The following CRISPLD1 variants were observed in gnomAD, a reference collection of about 807,000 sequenced individuals.
CRISPLD1 encodes cysteine rich secretory protein LCCL domain containing 1, also known as cysteine-rich secretory protein LCCL domain-containing 1.
A neutral mutation model predicts 77.5 loss-of-function variants in CRISPLD1; 60 were observed. That is an observed-to-expected ratio of 0.77 (90% CI 0.63 to 0.96). The LOEUF is 0.96. Among genes scored for constraint, CRISPLD1 ranks in the 40% least tolerant of loss-of-function variants. CRISPLD1 has a pLI of 0.00. For missense variants in CRISPLD1, 623 were observed against 615.8 expected, an observed-to-expected ratio of 1.01 and a Z score of -0.12; for synonymous variants, 195 against 200.1, an observed-to-expected ratio of 0.97 and a Z score of 0.22.
chr8:74,997,785 A>G (rs1230100051), intron 2 of CRISPLD1, among the ~76,000 whole-genome samples: 2 of 152,206 alleles, frequency 1.3e-5, no homozygotes, highest in African/African-American at 2.4e-5. Context: ...CTTTTTCACT[A>G]TTGCTGAGAA....
chr8:75,008,144 C>A (rs573433570), intron 2 of CRISPLD1, among the ~76,000 whole-genome samples: 1 of 152,182 alleles, frequency 6.6e-6, no homozygotes, highest in Admixed American at 6.5e-5. Flanking sequence ...TCATTGAAGG[C>A]GTAACTATGC....
At chr8:75,007,124 A>T (rs1020975523) in intron 2 of CRISPLD1, among the ~76,000 whole-genome samples, 4 of 152,116 alleles carry the variant, frequency 2.6e-5, no homozygotes, top group African/African-American at 9.7e-5. Context: ...CTCTTGTTTA[A>T]TGTAGTACTA....
intron 2 of CRISPLD1, among the ~76,000 whole-genome samples, chr8:74,996,008 T>C (rs1005809059): frequency 6.7e-6 from 1 of 150,164 alleles, no homozygotes; most frequent in African/African-American, 2.4e-5. Context: ...GCCAAGTGTT[T>C]ATAAAAATGG....
At chr8:75,026,882 C>G (rs1305668583) in intron 13 of CRISPLD1, 1 of 152,078 alleles carries the variant, frequency 6.6e-6, no homozygotes. Context: ...ACTGAAAAGT[C>G]CTGCTGGTAT....
At chr8:75,015,874 T>G (rs118026143) in intron 6 of CRISPLD1, among the ~76,000 whole-genome samples, 12,137 of 152,188 alleles carry the variant, frequency 0.08, 637 homozygotes, top group South Asian at 0.12. Flanking sequence ...ATCTTTTACT[T>G]AAAGCTGACT....
At chr8:75,025,417 C>T in intron 12 of CRISPLD1, 129 bp from the exon 13 acceptor site, 1 of 288,610 alleles carries the variant, frequency 3.5e-6, no homozygotes, top group Non-Finnish European at 6.2e-6. Context: ...TGACCTATTT[C>T]AGGAGAAAAA....
At chr8:75,029,266 C>G in intron 13 of CRISPLD1, 121 bp from the exon 14 acceptor site, 1 of 967,404 alleles carries the variant, frequency 1.0e-6, no homozygotes, top group South Asian at 1.8e-5. Context: ...CCTGTAGCTG[C>G]TCACTGGCTA....
intron 2 of CRISPLD1, among the ~76,000 whole-genome samples, chr8:75,012,013 A>G (rs1354258403): frequency 6.6e-6 from 1 of 152,126 alleles, no homozygotes; most frequent in Admixed American, 6.6e-5. Context: ...AAGAAAGAGT[A>G]GGGACTTGTC....
chr8:75,006,169 T>C (rs911177666), intron 2 of CRISPLD1, among the ~76,000 whole-genome samples: 9 of 152,300 alleles, frequency 5.9e-5, no homozygotes, highest in African/African-American at 2.2e-4. Context: ...AGTGAGAGCA[T>C]GCAGTATTTG....
chr8:75,018,982 T>C (rs909716760), intron 10 of CRISPLD1, among the ~76,000 whole-genome samples: 1 of 152,258 alleles, frequency 6.6e-6, no homozygotes, highest in African/African-American at 2.4e-5. Context: ...TTATTAGCTT[T>C]AGTAAGCCAA....
intron 14 of CRISPLD1, 22 bp from the exon 15 acceptor site, chr8:75,032,169 C>A (rs1422125250): frequency 6.7e-7 from 1 of 1,497,926 alleles, no homozygotes; most frequent in Non-Finnish European, 9.1e-7. Context: ...ATATACTTTT[C>A]ATATATTTTT....
rs760494620 is a variant in CRISPLD1, at chr8:75,016,885, A to G, written c.873A>G (p.Gln291=). Residue 291 remains glutamine, a synonymous_variant, in exon 8 of 15, where the codon CAA becomes CAG. Coordinates refer to ENST00000262207, the MANE Select transcript of CRISPLD1 (RefSeq NM_031461.6). ...TAGGTATTTTTTTCTTTGTAGCCCA[A>G]ATTGTTTCTTGTGAAGTAAGATTAA... ...NEVISAQQMS[Q]IVSCEVRLRD... The G allele has an allele frequency of 1.8e-5, 29 of 1,568,762 alleles. No homozygotes were observed. The highest frequency in any genetic ancestry group is 8.7e-5 in the Admixed American group (5 of 57,288).
chr8:75,031,912 A>G (rs182633020), intron 14 of CRISPLD1, among the ~76,000 whole-genome samples: 33 of 152,044 alleles, frequency 2.2e-4, no homozygotes, highest in Middle Eastern at 3.4e-3. Flanking sequence ...GGAAAACATG[A>G]TCTAGAATCT....
intron 2 of CRISPLD1, among the ~76,000 whole-genome samples, chr8:75,006,692 T>C (rs1812836480): frequency 6.6e-6 from 1 of 152,138 alleles, no homozygotes; most frequent in South Asian, 2.1e-4. Context: ...TTTCATTATT[T>C]ACTAATTTAT....
chr8:75,031,988 G>A (rs533300348), intron 14 of CRISPLD1, among the ~76,000 whole-genome samples: 159 of 152,020 alleles, frequency 1.0e-3, no homozygotes, highest in Non-Finnish European at 1.9e-3. Flanking sequence ...TAAACTTGCA[G>A]CCCAGCATAG....
intron 12 of CRISPLD1, among the ~76,000 whole-genome samples, 182 bp from the exon 13 acceptor site, chr8:75,025,364 G>A (rs1813213770): frequency 6.6e-6 from 1 of 151,900 alleles, no homozygotes; most frequent in South Asian, 2.1e-4. Flanking sequence ...CCAAAAGATA[G>A]ATAAACAGAA....
intron 2 of CRISPLD1, among the ~76,000 whole-genome samples, chr8:75,011,864 A>G (rs75054460): frequency 0.11 from 16,018 of 152,190 alleles, 913 homozygotes; most frequent in South Asian, 0.12. Context: ...ATATGTAAGC[A>G]GATACTGATA....
At chr8:74,993,918 G>A (rs555669336) in intron 2 of CRISPLD1, among the ~76,000 whole-genome samples, 1 of 152,310 alleles carries the variant, frequency 6.6e-6, no homozygotes, top group South Asian at 2.1e-4. Flanking sequence ...TGCCCATGTG[G>A]CAGACAGAGG....
At chr8:75,029,577 T>G in intron 14 of CRISPLD1, 60 bp downstream of exon 14, 2 of 1,507,960 alleles carry the variant, frequency 1.3e-6, no homozygotes, top group African/African-American at 2.8e-5. Flanking sequence ...TATTCATGAT[T>G]GCTTTACAGT....
Sources: allele counts gnomAD v4.1 joint callset (sites outside exome capture counted in the v4.1 genomes callset), GRCh38; gene constraint gnomAD v4.1.1; transcripts MANE v1.5; gene names NCBI Gene and HGNC (gene_info 2026-07-23, HGNC 2026-07-21).